The following ZFHX3 variants were observed in gnomAD, a reference collection of about 807,000 sequenced individuals.
The protein encoded by ZFHX3 is zinc finger homeobox 3, also known as zinc finger homeobox protein 3.
In ZFHX3, 42 loss-of-function variants were observed where a neutral mutation model predicts 279.1. That is an observed-to-expected ratio of 0.15 (90% CI 0.12 to 0.19). The LOEUF (loss-of-function observed/expected upper bound fraction) is 0.19, where lower values mean the gene tolerates loss of function less well. Ranked by LOEUF, ZFHX3 falls within the 10% of genes least tolerant of loss-of-function variation. The pLI is 1.00. For synonymous variants in ZFHX3, 2,293 were observed against 1,957.8 expected (o/e 1.17, Z -4.52); for missense variants, 4,981 against 4,754.0 (o/e 1.05, Z -1.40).
chr16:73,608,400 A>G (rs1409339313), intron 2 of ZFHX3, among the ~76,000 whole-genome samples: 1 of 152,238 alleles, frequency 6.6e-6, no homozygotes, highest in African/African-American at 2.4e-5. Context: ...CACTAAAAAC[A>G]TGTGTGTTGG....
At chr16:73,472,280 A>AC (rs1372814015) in intron 2 of ZFHX3, among the ~76,000 whole-genome samples, 32 of 151,794 alleles carry the variant, frequency 2.1e-4, no homozygotes, top group African/African-American at 6.0e-4. Context: ...AAAAAAAAAA[A>AC]AAAAAAACAG....
At chr16:73,537,984 G>C (rs1326821558) in intron 2 of ZFHX3, among the ~76,000 whole-genome samples, 1 of 152,178 alleles carries the variant, frequency 6.6e-6, no homozygotes, top group Non-Finnish European at 1.5e-5. Context: ...GGGGCTCACT[G>C]CTTTAAATGT....
intron 4 of ZFHX3, among the ~76,000 whole-genome samples, chr16:72,880,237 A>G (rs1265240923): frequency 3.3e-5 from 5 of 152,200 alleles, no homozygotes; most frequent in African/African-American, 4.8e-5. Context: ...AGAAAAGGAA[A>G]CAAGAAACTG....
intron 2 of ZFHX3, among the ~76,000 whole-genome samples, chr16:73,619,500 T>TTATA (rs1555528593): frequency 1.2e-4 from 16 of 131,744 alleles, no homozygotes; most frequent in African/African-American, 4.8e-4. Flanking sequence ...AAAAAAAAAA[T>TTATA]TATATATATA....
intron 1 of ZFHX3, among the ~76,000 whole-genome samples, chr16:73,054,426 T>G (rs778119567): frequency 4.1e-5 from 5 of 121,868 alleles, no homozygotes; most frequent in African/African-American, 1.2e-4. Flanking sequence ...AGGAGGTCGG[T>G]ATGGAAACCA....
At chr16:72,947,489 G>A (rs908920090) in intron 3 of ZFHX3, among the ~76,000 whole-genome samples, 1 of 152,264 alleles carries the variant, frequency 6.6e-6, no homozygotes, top group Non-Finnish European at 1.5e-5. Flanking sequence ...ATGACACACC[G>A]AAAGCCATGC....
intron 2 of ZFHX3, among the ~76,000 whole-genome samples, chr16:73,643,671 A>G (rs2052593223): frequency 6.6e-6 from 1 of 152,210 alleles, no homozygotes; most frequent in African/African-American, 2.4e-5. Context: ...GTTTCCATTG[A>G]CATCAAGTCC....
chr16:73,326,413 G>A (rs919808679), intron 3 of ZFHX3, among the ~76,000 whole-genome samples: 2 of 152,152 alleles, frequency 1.3e-5, no homozygotes, highest in South Asian at 2.1e-4. Context: ...GTGCTCATGA[G>A]TTTTAAAACT....
At chr16:73,727,740 G>A (rs1444850428) in intron 1 of ZFHX3, among the ~76,000 whole-genome samples, 2 of 152,100 alleles carry the variant, frequency 1.3e-5, no homozygotes, top group African/African-American at 4.8e-5. Context: ...CTCCAGCCTT[G>A]AATGTCACTG....
intron 5 of ZFHX3, among the ~76,000 whole-genome samples, chr16:73,202,873 C>A (rs2011657501): frequency 6.6e-6 from 1 of 151,704 alleles, no homozygotes; most frequent in African/African-American, 2.4e-5. Context: ...TCTGAACTAC[C>A]TGGGGTGCCA....
chr16:72,818,232 C>T (rs1301010577), intron 5 of ZFHX3, among the ~76,000 whole-genome samples: 2 of 152,032 alleles, frequency 1.3e-5, no homozygotes, highest in Non-Finnish European at 2.9e-5. Flanking sequence ...TCCCATAGCT[C>T]CTCTCTCTCA....
intron 2 of ZFHX3, among the ~76,000 whole-genome samples, chr16:73,482,424 T>A (rs1373099433): frequency 6.6e-6 from 1 of 152,086 alleles, no homozygotes; most frequent in Non-Finnish European, 1.5e-5. Flanking sequence ...GCCCTTCACA[T>A]CCCTTCTTTT....
chr16:72,873,437 C>T (rs1193594822), intron 4 of ZFHX3, among the ~76,000 whole-genome samples: 1 of 152,146 alleles, frequency 6.6e-6, no homozygotes, highest in Non-Finnish European at 1.5e-5. Context: ...AATTCAGGTA[C>T]GTTCTTTCAT....
At chr16:73,254,088 A>G (rs1009666774) in intron 5 of ZFHX3, among the ~76,000 whole-genome samples, 8 of 152,086 alleles carry the variant, frequency 5.3e-5, no homozygotes, top group African/African-American at 1.9e-4. Context: ...CCAGGTAATG[A>G]CTGAGAACAG....
intron 1 of ZFHX3, among the ~76,000 whole-genome samples, chr16:73,870,854 C>T (rs78675301): frequency 6.6e-6 from 1 of 152,100 alleles, no homozygotes; most frequent in African/African-American, 2.4e-5. Flanking sequence ...AAATACCTCC[C>T]CACTTTCTTC....
intron 2 of ZFHX3, among the ~76,000 whole-genome samples, chr16:73,493,312 C>T (rs746185811): frequency 4.6e-5 from 7 of 152,132 alleles, no homozygotes; most frequent in Non-Finnish European, 8.8e-5. Flanking sequence ...GATGAACTGA[C>T]AGATTTTTCT....
chr16:73,062,192 A>T (rs1033626622), upstream of ZFHX3: 3 of 152,224 alleles, frequency 2.0e-5, no homozygotes, highest in Non-Finnish European at 4.4e-5. Flanking sequence ...TTAGGAGGGA[A>T]AGTGGAATGT....
intron 5 of ZFHX3, among the ~76,000 whole-genome samples, chr16:73,163,564 C>T (rs28564300): frequency 0.13 from 19,630 of 152,256 alleles, 1,308 homozygotes; most frequent in Admixed American, 0.17. Context: ...AATATTTGCT[C>T]TCTCGACCTT....
At chr16:72,985,517 T>C (rs9932458) in intron 1 of ZFHX3, among the ~76,000 whole-genome samples, 3,238 of 152,314 alleles carry the variant, frequency 0.021, 115 homozygotes, top group African/African-American at 0.074. Context: ...GAGAACAACA[T>C]TGGACTGGAC....
Sources: allele counts gnomAD v4.1 joint callset (sites outside exome capture counted in the v4.1 genomes callset), GRCh38; gene constraint gnomAD v4.1.1; transcripts MANE v1.5; gene names NCBI Gene and HGNC (gene_info 2026-07-23, HGNC 2026-07-21).